The following TCAIM variants were observed in gnomAD, a reference collection of about 807,000 sequenced individuals.
The protein encoded by TCAIM is T-cell activation inhibitor, mitochondrial.
In TCAIM, 36 loss-of-function variants were observed where a neutral mutation model predicts 58.6. That is an observed-to-expected ratio of 0.61 (90% CI 0.47 to 0.81). TCAIM has a LOEUF of 0.81. Ranked by LOEUF, TCAIM falls within the 30% of genes least tolerant of loss-of-function variation. The pLI, the probability that TCAIM is intolerant of heterozygous loss-of-function variation, is 0.00. For synonymous variants in TCAIM, 172 were observed against 193.6 expected (o/e 0.89, Z 0.93); for missense variants, 466 against 579.6 (o/e 0.80, Z 2.01).
chr3:44,403,530 G>T (rs1246303027), intron 10 of TCAIM, among the ~76,000 whole-genome samples: 2 of 152,004 alleles, frequency 1.3e-5, no homozygotes, highest in African/African-American at 4.8e-5. Flanking sequence ...AGCAATTCTA[G>T]CCAACTGTTC....
intron 4 of TCAIM, among the ~76,000 whole-genome samples, chr3:44,363,226 T>A (rs773574929): frequency 1.1e-4 from 17 of 152,226 alleles, no homozygotes; most frequent in Non-Finnish European, 2.1e-4. Context: ...GGGACAGAGC[T>A]GGTACTAGAA....
chr3:44,386,901 C>T (rs2125648555), intron 5 of TCAIM, among the ~76,000 whole-genome samples: 1 of 152,356 alleles, frequency 6.6e-6, no homozygotes, highest in South Asian at 2.1e-4. Flanking sequence ...GATGAAACCC[C>T]ACCTTCAAGC....
intron 6 of TCAIM, among the ~76,000 whole-genome samples, chr3:44,395,260 GA>G (rs1482554069): frequency 2.6e-5 from 4 of 151,834 alleles, no homozygotes; most frequent in African/African-American, 9.7e-5. Context: ...GTAGTTTAAA[GA>G]AAAAAACAAT....
At chr3:44,393,863 G>C (rs1353224430) in intron 6 of TCAIM, among the ~76,000 whole-genome samples, 1 of 152,112 alleles carries the variant, frequency 6.6e-6, no homozygotes, top group Non-Finnish European at 1.5e-5. Context: ...TTATATAGCA[G>C]GACTTTTTAA....
At chr3:44,347,249 G>C (rs943536360) in intron 1 of TCAIM, among the ~76,000 whole-genome samples, 2 of 152,180 alleles carry the variant, frequency 1.3e-5, no homozygotes, top group African/African-American at 4.8e-5. Flanking sequence ...GGAGGAGCAG[G>C]AGGATGTCCT....
At chr3:44,406,962 G>A (rs1428756186) in intron 10 of TCAIM, among the ~76,000 whole-genome samples, 1 of 152,142 alleles carries the variant, frequency 6.6e-6, no homozygotes, top group African/African-American at 2.4e-5. Flanking sequence ...ACAGGGGGCT[G>A]GTGAGGTAGG....
chr3:44,408,491 C>T lies in TCAIM; in HGVS notation c.*809C>T, dbSNP rs546511901. The T allele has an allele frequency of 6.6e-6, 1 of 152,248 alleles. No individual in the cohort carries two copies. The highest frequency in any genetic ancestry group is 1.9e-4 in the East Asian group (1 of 5,184). 9.4% of individuals were successfully genotyped at this position (152,248 alleles called of 1,614,324 possible). ...GATAACCAGTTTATTGAAACGTGTG[C>T]ATTAACAGAGAATTTAATTTTAAAC... On this transcript the variant is annotated 3_prime_UTR_variant, in exon 11 of 11. Transcript: ENST00000342649.
At chr3:44,387,856 A>T (rs1220031049) in intron 5 of TCAIM, among the ~76,000 whole-genome samples, 1 of 152,204 alleles carries the variant, frequency 6.6e-6, no homozygotes, top group Non-Finnish European at 1.5e-5. Context: ...GTTGCACTCC[A>T]GCCTGGGCAA....
In TCAIM at chr3:44,403,229, A is replaced by G. The variant is rs543441209; in HGVS notation, c.1250+1895A>G. On this transcript the variant is annotated intron_variant, in intron 10 of 10. Transcript: ENST00000342649. The stretch of plus-strand genomic sequence containing the variant: ...GCTTGCAGTGAGCCGAGATCATGCC[A>G]TTGCACTCCAGCCTGGGCAACAGAG... 3.9e-5 allele frequency among the ~76,000 whole-genome samples: 6 copies of G among 152,332 alleles called. No homozygotes were observed. The South Asian group carries it at 1.2e-3, about 32-fold the overall frequency.
rs149542134 is a variant in TCAIM at position 44,355,194 on chromosome 3, C to A, written c.29+383C>A. Among the ~76,000 whole-genome samples the A allele has an allele frequency of 2.1e-3, 326 of 152,264 alleles. 3 individuals carry two copies. Among genetic ancestry groups the A allele is most frequent in the African/African-American group, 6.7e-3 (278 of 41,550 alleles). On this transcript the variant is annotated intron_variant, in intron 2 of 10. Coordinates refer to ENST00000342649, the MANE Select transcript of TCAIM (RefSeq NM_173826.4). Reference sequence around the variant, plus strand: ...AGGGAAGGTTCTGGGGGAATAGATACAATGCCTCCTGGCGCATGGCAGGTG... The same window carrying A: ...AGGGAAGGTTCTGGGGGAATAGATAAAATGCCTCCTGGCGCATGGCAGGTG...
chr3:44,348,716 G>A (rs1701024645), intron 1 of TCAIM, among the ~76,000 whole-genome samples: 1 of 152,206 alleles, frequency 6.6e-6, no homozygotes, highest in African/African-American at 2.4e-5. Context: ...AGCAGATTGG[G>A]TAATAAAATG....
intron 5 of TCAIM, among the ~76,000 whole-genome samples, chr3:44,390,139 C>G (rs1341912239): frequency 6.6e-6 from 1 of 152,188 alleles, no homozygotes; most frequent in Admixed American, 6.5e-5. Flanking sequence ...GGGACTTTAT[C>G]TTCCTTGTAA....
chr3:44,407,699 A>AT lies in TCAIM; in HGVS notation c.*24dup, dbSNP rs747479796. On this transcript the variant is annotated 3_prime_UTR_variant, in exon 11 of 11. Transcript: ENST00000342649. ...ATTAAGTAACACAGAAATCTGTTTT[A>AT]TTTTTTTAAGAGATAAGAAAGGAAC... 9 of 1,558,474 alleles carry AT rather than the reference A, an allele frequency of 5.8e-6. No individual in the cohort carries two copies. Among genetic ancestry groups the AT allele is most frequent in the Admixed American group, 2.2e-5 (1 of 46,276 alleles).
chr3:44,372,186 C>A (rs1017017757), intron 5 of TCAIM, among the ~76,000 whole-genome samples: 3 of 152,122 alleles, frequency 2.0e-5, no homozygotes, highest in African/African-American at 7.2e-5. Context: ...GATTTTGGTA[C>A]CCGTGGGTGG....
chr3:44,381,682 G>A (rs1701657424), intron 5 of TCAIM, among the ~76,000 whole-genome samples: 1 of 152,102 alleles, frequency 6.6e-6, no homozygotes, highest in Non-Finnish European at 1.5e-5. Context: ...TGGAAAGGAA[G>A]AGGTAAAATT....
rs2125711261 is a variant in TCAIM, at chr3:44,338,772, G to C, written c.-107G>C. Reference sequence around the variant, plus strand: ...GGCGGAGCGACTGTCCTCCCTTCTGGTGTACTGGGTGGGAGGTGGAACTAG... The same window carrying C: ...GGCGGAGCGACTGTCCTCCCTTCTGCTGTACTGGGTGGGAGGTGGAACTAG... On this transcript the variant is annotated 5_prime_UTR_variant, in exon 1 of 11. Coordinates refer to ENST00000342649, the MANE Select transcript of TCAIM (RefSeq NM_173826.4). The C allele has an allele frequency of 6.6e-6, 1 of 152,440 alleles. No individual in the cohort carries two copies. The highest frequency in any genetic ancestry group is 1.9e-4 in the East Asian group (1 of 5,186). The allele number at this position is 152,440 out of a possible 1,614,324, so 9.4% of individuals were successfully genotyped here. A position where few individuals can be genotyped will look rare whatever the true frequency, so the allele number is the denominator to read the frequency against.
intron 1 of TCAIM, among the ~76,000 whole-genome samples, chr3:44,351,219 C>T (rs1701081744): frequency 6.6e-6 from 1 of 152,080 alleles, no homozygotes; most frequent in Non-Finnish European, 1.5e-5. Flanking sequence ...GAACTCCTGA[C>T]CTCAGTTGAT....
At chr3:44,359,271 C>A in intron 3 of TCAIM, 1 of 189,648 alleles carries the variant, frequency 5.3e-6, no homozygotes, top group Non-Finnish European at 9.8e-6. Context: ...GTTAACTCAG[C>A]AAGCTTGGGT....
chr3:44,386,440 G>A (rs1406578746), intron 5 of TCAIM, among the ~76,000 whole-genome samples: 1 of 152,178 alleles, frequency 6.6e-6, no homozygotes, highest in Non-Finnish European at 1.5e-5. Context: ...CTGGGAACAG[G>A]CAGGAGCCCC....
Sources: allele counts gnomAD v4.1 joint callset (sites outside exome capture counted in the v4.1 genomes callset), GRCh38; gene constraint gnomAD v4.1.1; transcripts MANE v1.5; gene names NCBI Gene and HGNC (gene_info 2026-07-23, HGNC 2026-07-21).